The following POU2F3 variants were observed in gnomAD, a reference collection of about 807,000 sequenced individuals.
POU2F3 encodes POU domain, class 2, transcription factor 3.
POU2F3 carries 23 observed loss-of-function variants against 59.2 expected under a neutral mutation model. The observed-to-expected ratio is 0.39, with a 90% CI of 0.28 to 0.55. The LOEUF (loss-of-function observed/expected upper bound fraction) is 0.55, where lower values mean the gene tolerates loss of function less well. Among genes scored for constraint, POU2F3 ranks in the 20% least tolerant of loss-of-function variants. The pLI is 0.66. For synonymous variants in POU2F3, 190 were observed against 214.6 expected, an observed-to-expected ratio of 0.89 and a Z score of 1.00; for missense variants, 473 against 544.5, an observed-to-expected ratio of 0.87 and a Z score of 1.31.
At chr11:120,255,821 C>T (rs984608211) in intron 2 of POU2F3, among the ~76,000 whole-genome samples, 5 of 152,120 alleles carry the variant, frequency 3.3e-5, no homozygotes, top group Non-Finnish European at 7.3e-5. Flanking sequence ...CATCTGAGTT[C>T]GTGGGAAGGA....
At chr11:120,273,803 G>A (rs2135208403) in intron 3 of POU2F3, among the ~76,000 whole-genome samples, 1 of 152,186 alleles carries the variant, frequency 6.6e-6, no homozygotes, top group South Asian at 2.1e-4. Flanking sequence ...ATCACCTGAG[G>A]TCAGGAGTTC....
At chr11:120,278,819 G>A (rs1591406956) in intron 3 of POU2F3, among the ~76,000 whole-genome samples, 1 of 152,076 alleles carries the variant, frequency 6.6e-6, no homozygotes. Flanking sequence ...ATAAAATGAC[G>A]GGTTGATGGG....
In POU2F3 at chr11:120,315,352, G is replaced by A. The variant is rs772284780; in HGVS notation, c.1069-9G>A. The stretch of plus-strand genomic sequence containing the variant: ...AAATGGACATTTACAAGCTTCTGTT[G>A]TTTTTCAGGTATCTCCCTCAGGGTC... On this transcript the variant is annotated splice_polypyrimidine_tract_variant and intron_variant, in intron 10 of 12. Coordinates refer to ENST00000543440, the MANE Select transcript of POU2F3 (RefSeq NM_014352.4). The A allele has an allele frequency of 2.6e-5, 42 of 1,609,986 alleles. 1 individual carries two copies. The South Asian group carries it at 4.1e-4, about 16-fold the overall frequency.
intron 2 of POU2F3, among the ~76,000 whole-genome samples, chr11:120,259,803 A>G (rs1941411): frequency 0.5 from 75,314 of 152,102 alleles, 23,447 homozygotes; most frequent in East Asian, 1. Context: ...TTTACTGTGC[A>G]TTTTCTGGAC....
In POU2F3 at chr11:120,318,579, T is replaced by G. The variant is rs996288297; in HGVS notation, c.*187T>G. 1.6e-5 allele frequency: 10 copies of G among 613,552 alleles called. No homozygotes were observed. The African/African-American group carries it at 1.9e-4, about 11-fold the overall frequency. The allele number at this position is 613,552 out of a possible 1,614,324, so 38.0% of individuals were successfully genotyped here. A position where few individuals can be genotyped will look rare whatever the true frequency, so the allele number is the denominator to read the frequency against. On this transcript the variant is annotated 3_prime_UTR_variant, in exon 13 of 13. Transcript: ENST00000543440. ...AGATCCAAACTGTGATTGAACCAAG[T>G]GCAGACTCCTAATGCTCTTGAAATA...
At chr11:120,317,875 G>T (rs1023979218) in intron 12 of POU2F3, among the ~76,000 whole-genome samples, 3 of 152,164 alleles carry the variant, frequency 2.0e-5, no homozygotes, top group Non-Finnish European at 2.9e-5. Flanking sequence ...ACTCTAAAAA[G>T]TATTCTCAGA....
intron 3 of POU2F3, among the ~76,000 whole-genome samples, chr11:120,275,025 T>C (rs760393020): frequency 1.3e-5 from 2 of 152,138 alleles, no homozygotes; most frequent in Non-Finnish European, 2.9e-5. Flanking sequence ...CTCTGCCTGG[T>C]GTCTGTCTGG....
At chr11:120,247,749 A>G (rs1938929590) in intron 2 of POU2F3, among the ~76,000 whole-genome samples, 1 of 152,222 alleles carries the variant, frequency 6.6e-6, no homozygotes, top group Non-Finnish European at 1.5e-5. Flanking sequence ...AGAGAGTGAT[A>G]GATATAGTCC....
At chr11:120,271,597 G>A (rs890933007) in intron 3 of POU2F3, among the ~76,000 whole-genome samples, 1 of 152,200 alleles carries the variant, frequency 6.6e-6, no homozygotes. Flanking sequence ...TTGCGGGGAG[G>A]TGGCCAGCTT....
At chr11:120,269,093 G>A (rs888728877) in intron 2 of POU2F3, 117 bp from the exon 3 acceptor site, 6 of 714,022 alleles carry the variant, frequency 8.4e-6, no homozygotes, top group Non-Finnish European at 1.4e-5. Flanking sequence ...CACAAGCGAA[G>A]CAGGTGCTCT....
intron 3 of POU2F3, among the ~76,000 whole-genome samples, chr11:120,281,713 C>A (rs1940578152): frequency 6.6e-6 from 1 of 152,106 alleles, no homozygotes. Flanking sequence ...TGTGGGGTGT[C>A]CCTGGTTCCA....
chr11:120,304,977 A>C (rs1941445231), intron 6 of POU2F3, 53 bp from the exon 7 acceptor site: 1 of 1,138,526 alleles, frequency 8.8e-7, no homozygotes, highest in South Asian at 1.7e-5. Flanking sequence ...AAAAATCAGA[A>C]AATGTTATTT....
At chr11:120,274,549 C>A (rs967835767) in intron 3 of POU2F3, among the ~76,000 whole-genome samples, 1 of 152,162 alleles carries the variant, frequency 6.6e-6, no homozygotes, top group Non-Finnish European at 1.5e-5. Context: ...TTGGTGGAAC[C>A]ACAACCTATC....
intron 3 of POU2F3, among the ~76,000 whole-genome samples, chr11:120,296,857 C>A (rs11217803): frequency 0.08 from 12,181 of 152,118 alleles, 1,519 homozygotes; most frequent in East Asian, 0.65. Flanking sequence ...ATGAACATAA[C>A]CCGTGCATAT....
intron 3 of POU2F3, among the ~76,000 whole-genome samples, chr11:120,280,077 C>G (rs1228229129): frequency 6.6e-6 from 1 of 152,204 alleles, no homozygotes; most frequent in Non-Finnish European, 1.5e-5. Flanking sequence ...CAGTGAGTTG[C>G]CTTTGGTGGA....
At chr11:120,268,814 G>A (rs1202195456) in intron 2 of POU2F3, among the ~76,000 whole-genome samples, 1 of 152,132 alleles carries the variant, frequency 6.6e-6, no homozygotes, top group Admixed American at 6.5e-5. Context: ...GAGTCCTTTG[G>A]GATCCATGCT....
In POU2F3 at chr11:120,299,602, A is replaced by G. The variant is rs188930512; in HGVS notation, c.259-22A>G. 1.0e-3 allele frequency: 1,669 copies of G among 1,604,534 alleles called. 3 individuals carry two copies. Among genetic ancestry groups the G allele is most frequent in the Middle Eastern group, 6.8e-3 (41 of 6,034 alleles). ...CCCCAGCTTGTAAATTCTGTGGTGT[A>G]TGTGTATCTCTCCGTGTGTAGGACA... is the stretch of plus-strand genomic sequence containing the variant. On this transcript the variant is annotated intron_variant, in intron 4 of 12. Coordinates refer to ENST00000543440, the MANE Select transcript of POU2F3 (RefSeq NM_014352.4).
chr11:120,314,037 A>G (rs1465373575), intron 10 of POU2F3, among the ~76,000 whole-genome samples: 1 of 152,054 alleles, frequency 6.6e-6, no homozygotes, highest in African/African-American at 2.4e-5. Flanking sequence ...CAACAACAAC[A>G]ACACATGTCT....
At chr11:120,304,604 GAAAAAAACAAAAAAC>G (rs1281712555) in intron 6 of POU2F3, among the ~76,000 whole-genome samples, 1 of 150,514 alleles carries the variant, frequency 6.6e-6, no homozygotes, top group Non-Finnish European at 1.5e-5. Context: ...CTGCTTTATG[GAAAAAAACAAAAAAC>G]AAAAAAACAA....
Sources: allele counts gnomAD v4.1 joint callset (sites outside exome capture counted in the v4.1 genomes callset), GRCh38; gene constraint gnomAD v4.1.1; transcripts MANE v1.5; gene names NCBI Gene and HGNC (gene_info 2026-07-23, HGNC 2026-07-21).